PCDHA3: variants seen among roughly 807,000 people sequenced by gnomAD.
PCDHA3 encodes the protein protocadherin alpha-3.
A neutral mutation model predicts 62.2 loss-of-function variants in PCDHA3; 41 were observed. The observed-to-expected ratio is 0.66, with a 90% CI of 0.51 to 0.86. The LOEUF is 0.86. Among genes scored for constraint, PCDHA3 ranks in the 40% least tolerant of loss-of-function variants. The pLI is 0.00. For synonymous variants in PCDHA3, 640 were observed against 555.4 expected, an observed-to-expected ratio of 1.15 and a Z score of -2.14; for missense variants, 1,304 against 1,241.2, an observed-to-expected ratio of 1.05 and a Z score of -0.76.
chr5:140,818,777 C>T (rs1420309458), intron 1 of PCDHA3, among the ~76,000 whole-genome samples: 20 of 152,210 alleles, frequency 1.3e-4, no homozygotes, highest in African/African-American at 4.8e-4. Context: ...CTGCAATGAA[C>T]TTTGACTGTA....
In PCDHA3 at chr5:140,849,948, C is replaced by T. The variant is rs2150459540; in HGVS notation, c.2394+46357C>T. ...GGTGTCTGCGCGGGACGCTGACGCG[C>T]AGGAGAACGCCCTGGTGTCCTACTC... On this transcript the variant is annotated intron_variant, in intron 1 of 3. Coordinates refer to ENST00000522353, the MANE Select transcript of PCDHA3 (RefSeq NM_018906.3). 4 of 1,597,728 alleles carry T rather than the reference C, an allele frequency of 2.5e-6. 1 individual carries two copies. The East Asian group carries it at 8.9e-5, about 36-fold the overall frequency.
intron 1 of PCDHA3, chr5:140,851,311 T>C (rs1484638965): frequency 1.0e-6 from 1 of 1,000,128 alleles, no homozygotes; most frequent in Non-Finnish European, 1.2e-6. Context: ...TAGCAATTGT[T>C]ACCTTGTTAA....
At chr5:140,836,476 T>G (rs2150261790) in intron 1 of PCDHA3, 1 of 1,613,860 alleles carries the variant, frequency 6.2e-7, no homozygotes, top group South Asian at 1.1e-5. Context: ...GATGTCAACG[T>G]GTACCTGATC....
chr5:140,906,744 A>G (rs2072897297), intron 1 of PCDHA3, among the ~76,000 whole-genome samples: 1 of 152,210 alleles, frequency 6.6e-6, no homozygotes, highest in Admixed American at 6.5e-5. Context: ...CCATTGACAC[A>G]GGGCATGGTA....
intron 3 of PCDHA3, among the ~76,000 whole-genome samples, chr5:141,008,045 CAG>C (rs1416741468): frequency 2.0e-5 from 3 of 151,924 alleles, no homozygotes; most frequent in South Asian, 2.1e-4. Context: ...CCTTTTGTAA[CAG>C]GGGTCCAGTC....
intron 1 of PCDHA3, chr5:140,837,311 A>G (rs1328894218): frequency 1.3e-5 from 2 of 152,060 alleles, no homozygotes; most frequent in Non-Finnish European, 2.9e-5. Context: ...TGTATTTGCC[A>G]TGTTCATGAA....
In PCDHA3 at chr5:140,900,299, G is replaced by T. The variant is rs1042472528; in HGVS notation, c.2395-78650G>T. ...CCACACTTTCTTTTCTGTTTTTTTA[G>T]ACAGTCTCACTTTTGTCGCCCAGGC... On this transcript the variant is annotated intron_variant, in intron 1 of 3. Coordinates refer to ENST00000522353, the MANE Select transcript of PCDHA3 (RefSeq NM_018906.3). 2.0e-5 allele frequency among the ~76,000 whole-genome samples: 3 copies of T among 151,604 alleles called. No homozygotes were observed. The East Asian group carries it at 5.8e-4, about 29-fold the overall frequency.
At chr5:140,895,103 T>C (rs1459301220) in intron 1 of PCDHA3, among the ~76,000 whole-genome samples, 3 of 152,204 alleles carry the variant, frequency 2.0e-5, no homozygotes, top group Non-Finnish European at 4.4e-5. Flanking sequence ...GGGTTTTTGC[T>C]ACAAGAAGAC....
intron 1 of PCDHA3, chr5:140,834,145 G>C (rs1260830978): frequency 1.9e-6 from 1 of 519,062 alleles, no homozygotes; most frequent in African/African-American, 1.9e-5. Context: ...TTAATAGTTT[G>C]TAATGGTTTG....
intron 1 of PCDHA3, chr5:140,850,371 C>T (rs1386017704): frequency 1.9e-6 from 3 of 1,597,910 alleles, no homozygotes; most frequent in Non-Finnish European, 2.6e-6. Flanking sequence ...CCGCGTGGGG[C>T]TGTACACGGG....
At chr5:140,885,798 T>C (rs1269362409) in intron 1 of PCDHA3, among the ~76,000 whole-genome samples, 1 of 152,186 alleles carries the variant, frequency 6.6e-6, no homozygotes, top group East Asian at 1.9e-4. Context: ...TTGTCATATG[T>C]ATTTTGTTGA....
At chr5:140,978,420 G>A (rs1489182751) in intron 1 of PCDHA3, among the ~76,000 whole-genome samples, 3 of 152,220 alleles carry the variant, frequency 2.0e-5, no homozygotes, top group African/African-American at 7.2e-5. Flanking sequence ...AAAAGAGACT[G>A]TTATCAGTTG....
chr5:140,803,624 T>C, intron 1 of PCDHA3, 33 bp downstream of exon 1: 1 of 1,613,994 alleles, frequency 6.2e-7, no homozygotes, highest in Non-Finnish European at 8.5e-7. Context: ...TTCCAAAATG[T>C]CTTTGTTTTT....
At chr5:140,967,453 C>T in intron 1 of PCDHA3, 1 of 1,613,556 alleles carries the variant, frequency 6.2e-7, no homozygotes, top group South Asian at 1.1e-5. Context: ...TTCTCACAGC[C>T]GTGGATGGGG....
intron 1 of PCDHA3, chr5:140,841,999 T>G: frequency 6.2e-7 from 1 of 1,613,818 alleles, no homozygotes; most frequent in Non-Finnish European, 8.5e-7. Flanking sequence ...CAGGCACTGT[T>G]CAGCTGCTGG....
chr5:140,809,419 G>A (rs1425791454), intron 1 of PCDHA3: 1 of 1,614,220 alleles, frequency 6.2e-7, no homozygotes, highest in Non-Finnish European at 8.5e-7. Flanking sequence ...GCTCCAGTGC[G>A]GTGGGGAGCT....
chr5:140,854,720 C>G (rs2043201249), intron 1 of PCDHA3: 1 of 149,654 alleles, frequency 6.7e-6, no homozygotes, highest in African/African-American at 2.4e-5. Flanking sequence ...AGACAGAAAA[C>G]TCAAGTTTTT....
At chr5:140,927,040 A>G in intron 1 of PCDHA3, 1 of 1,612,350 alleles carries the variant, frequency 6.2e-7, no homozygotes, top group Non-Finnish European at 8.5e-7. Context: ...AGCGGCCGCT[A>G]TGTCCTCGCG....
At chr5:140,822,210 A>G in intron 1 of PCDHA3, 1 of 1,614,220 alleles carries the variant, frequency 6.2e-7, no homozygotes, top group East Asian at 2.2e-5. Flanking sequence ...TAGAGTCAAG[A>G]ATGCCAGATT....
Sources: gnomAD v4.1 joint callset for allele counts (sites outside exome capture counted in the v4.1 genomes callset) on GRCh38, gnomAD v4.1.1 for gene constraint, MANE v1.5 for transcripts, NCBI Gene and HGNC (gene_info 2026-07-23, HGNC 2026-07-21) for gene names.